Variants in GRM1 observed in about 807,000 individuals in gnomAD.
GRM1 encodes glutamate metabotropic receptor 1.
In GRM1, 33 loss-of-function variants were observed where a neutral mutation model predicts 90.9. That is an observed-to-expected ratio of 0.36 (90% CI 0.28 to 0.49). The LOEUF is 0.49. Among genes scored for constraint, GRM1 ranks in the 20% least tolerant of loss-of-function variants. The probability of loss-of-function intolerance (pLI) is 0.99; values close to 1 mark genes in which losing one functional copy is unlikely to be tolerated. For missense variants in GRM1, 1,190 were observed against 1,534.3 expected, an observed-to-expected ratio of 0.78 and a Z score of 3.75; for synonymous variants, 700 against 613.2, an observed-to-expected ratio of 1.14 and a Z score of -2.09.
intron 2 of GRM1, among the ~76,000 whole-genome samples, chr6:146,170,918 C>A (rs981401521): frequency 5.9e-5 from 9 of 151,950 alleles, no homozygotes; most frequent in African/African-American, 1.2e-4. Context: ...TGTTCCTCTT[C>A]TCTGGGGCTT....
intron 2 of GRM1, among the ~76,000 whole-genome samples, chr6:146,180,625 C>T (rs769070776): frequency 4.6e-5 from 7 of 152,122 alleles, no homozygotes; most frequent in Non-Finnish European, 7.4e-5. Flanking sequence ...GGTTTTGCAA[C>T]CTTGATCATT....
Position 146,434,444 on chromosome 6 carries a change from T to C in GRM1, c.3233T>C (p.Leu1078Pro). Reference sequence around the variant, plus strand: ...CCACCTCCGCAGCACCTGCAGATGCTGCCGCTGCAGCTGAGCACCTTTGGG... The same window carrying C: ...CCACCTCCGCAGCACCTGCAGATGCCGCCGCTGCAGCTGAGCACCTTTGGG... ...PPPPPQHLQM[L>P]PLQLSTFGEE... Residue 1078 changes from leucine to proline, a missense_variant, in exon 8 of 8, where the codon CTG becomes CCG. Leu to Pro is a moderately conservative substitution (Grantham distance 98). This residue lies in a region of GRM1 where 400 missense variants were observed against 360.8 expected (regional missense o/e 1.11). Coordinates refer to ENST00000282753, the MANE Select transcript of GRM1 (RefSeq NM_001278064.2). 1 of 1,613,800 alleles carries C rather than the reference T, an allele frequency of 6.2e-7. No homozygotes were observed. Among genetic ancestry groups the C allele is most frequent in the Middle Eastern group, 1.6e-4 (1 of 6,062 alleles).
At chr6:146,347,026 GT>G (rs1262050485) in intron 3 of GRM1, among the ~76,000 whole-genome samples, 2 of 152,138 alleles carry the variant, frequency 1.3e-5, no homozygotes, top group Non-Finnish European at 2.9e-5. Context: ...ATTTGAAAAG[GT>G]ACCACTGTAC....
chr6:146,387,649 T>C lies in GRM1; in HGVS notation c.1729+633T>C, dbSNP rs189525841. On this transcript the variant is annotated intron_variant, in intron 6 of 7. Transcript: ENST00000282753. ...AAGTAGAACACGGGAAACATGAAAG[T>C]TTATGACACATTTGCAGAAAACCAT... Among the ~76,000 whole-genome samples the C allele has an allele frequency of 6.3e-4, 96 of 152,110 alleles. 1 individual carries two copies. Among genetic ancestry groups the C allele is most frequent in the Admixed American group, 4.5e-3 (69 of 15,252 alleles).
intron 2 of GRM1, among the ~76,000 whole-genome samples, chr6:146,233,172 T>C (rs981182364): frequency 2.6e-5 from 4 of 152,148 alleles, no homozygotes; most frequent in Non-Finnish European, 5.9e-5. Context: ...CAGTTTTCTC[T>C]TGTTATATTT....
chr6:146,116,133 TAATA>T (rs1246071282), intron 1 of GRM1, among the ~76,000 whole-genome samples: 2 of 152,070 alleles, frequency 1.3e-5, no homozygotes, highest in Admixed American at 6.6e-5. Context: ...GTATTTTTAA[TAATA>T]GTAGAGACAG....
intron 1 of GRM1, among the ~76,000 whole-genome samples, chr6:146,144,180 GT>G (rs1777002451): frequency 6.6e-6 from 1 of 152,104 alleles, no homozygotes; most frequent in African/African-American, 2.4e-5. Context: ...GCCCTCACAG[GT>G]TCTCACATAC....
At chr6:146,115,143 T>G (rs1010504252) in intron 1 of GRM1, among the ~76,000 whole-genome samples, 6 of 152,004 alleles carry the variant, frequency 3.9e-5, no homozygotes, top group African/African-American at 1.4e-4. Flanking sequence ...AGGTATGTTA[T>G]TTTGTTTCTC....
intron 2 of GRM1, among the ~76,000 whole-genome samples, chr6:146,298,818 C>T (rs541051992): frequency 2.0e-4 from 31 of 152,192 alleles, no homozygotes; most frequent in Non-Finnish European, 3.8e-4. Flanking sequence ...AAAATGGGAC[C>T]GTCTTCTCGT....
At chr6:146,166,219 A>G (rs988029538) in intron 2 of GRM1, among the ~76,000 whole-genome samples, 4 of 152,086 alleles carry the variant, frequency 2.6e-5, no homozygotes, top group African/African-American at 7.2e-5. Flanking sequence ...CCCTGATCTC[A>G]CCTTAGACCA....
rs964168699 is a variant in GRM1 at position 146,436,746 on chromosome 6, C to A, written c.*1950C>A. On this transcript the variant is annotated 3_prime_UTR_variant, in exon 8 of 8. Coordinates refer to ENST00000282753, the MANE Select transcript of GRM1 (RefSeq NM_001278064.2). The stretch of plus-strand genomic sequence containing the variant: ...TCTATTATTTGTGGAATGAATTATA[C>A]CCCCCTTAAATATCTTTGTTTATGC... The A allele has an allele frequency of 1.3e-5, 2 of 152,594 alleles. 1 individual carries two copies. The highest frequency in any genetic ancestry group is 3.9e-4 in the East Asian group (2 of 5,178). 9.5% of individuals were successfully genotyped at this position (152,594 alleles called of 1,614,324 possible). A position where few individuals can be genotyped will look rare whatever the true frequency, so the allele number is the denominator to read the frequency against.
intron 3 of GRM1, among the ~76,000 whole-genome samples, chr6:146,344,391 C>T (rs1020686361): frequency 4.6e-5 from 7 of 152,134 alleles, no homozygotes; most frequent in East Asian, 1.9e-4. Flanking sequence ...CTGTATTTGT[C>T]GTTCTTGTTT....
chr6:146,325,326 A>T (rs1294323369), intron 3 of GRM1, among the ~76,000 whole-genome samples: 1 of 152,230 alleles, frequency 6.6e-6, no homozygotes, highest in African/African-American at 2.4e-5. Flanking sequence ...TCCTGAGATA[A>T]GTGACACGGA....
intron 2 of GRM1, among the ~76,000 whole-genome samples, chr6:146,293,975 G>GTT (rs141516397): frequency 5.9e-5 from 9 of 151,294 alleles, no homozygotes; most frequent in African/African-American, 1.9e-4. Flanking sequence ...GCTAAATATT[G>GTT]TTTTTTTGTG....
intron 7 of GRM1, among the ~76,000 whole-genome samples, chr6:146,422,662 A>G (rs1228548786): frequency 6.6e-6 from 1 of 152,198 alleles, no homozygotes; most frequent in Admixed American, 6.5e-5. Context: ...CATCATACTG[A>G]GTAAAATTTA....
At chr6:146,079,017 C>T (rs1349941044) in intron 1 of GRM1, among the ~76,000 whole-genome samples, 1 of 152,218 alleles carries the variant, frequency 6.6e-6, no homozygotes, top group African/African-American at 2.4e-5. Context: ...CCCCATCTCA[C>T]AGATTGAATC....
intron 2 of GRM1, among the ~76,000 whole-genome samples, chr6:146,298,157 T>G (rs1477961345): frequency 6.6e-6 from 1 of 152,246 alleles, no homozygotes; most frequent in Non-Finnish European, 1.5e-5. Context: ...TAACTTCTTA[T>G]TATTCATGAT....
intron 7 of GRM1, among the ~76,000 whole-genome samples, chr6:146,428,420 T>G (rs191206045): frequency 6.6e-6 from 1 of 152,178 alleles, no homozygotes; most frequent in Non-Finnish European, 1.5e-5. Context: ...ATTAGAAAAT[T>G]GGTGAATTTT....
intron 2 of GRM1, among the ~76,000 whole-genome samples, chr6:146,281,407 A>G (rs115589622): frequency 0.01 from 1,558 of 152,288 alleles, 29 homozygotes; most frequent in African/African-American, 0.035. Context: ...TCTAAGTTCT[A>G]TCTTTAAGGA....
Sources: gnomAD v4.1 joint callset for allele counts (sites outside exome capture counted in the v4.1 genomes callset) on GRCh38, gnomAD v4.1.1 for gene constraint, gnomAD v4.1.1 regional missense constraint, MANE v1.5 for transcripts, NCBI Gene and HGNC (gene_info 2026-07-23, HGNC 2026-07-21) for gene names.